ZFP91: variants seen among roughly 807,000 people sequenced by gnomAD.
ZFP91 encodes E3 ubiquitin-protein ligase ZFP91.
Under a neutral mutation model 63.5 loss-of-function variants are expected in ZFP91, and 7 were observed. That is an observed-to-expected ratio of 0.11 (90% CI 0.06 to 0.21). The LOEUF (loss-of-function observed/expected upper bound fraction) is 0.21, where lower values mean the gene tolerates loss of function less well. ZFP91 is among the 10% of genes least tolerant of loss of function. The pLI is 1.00. For missense variants in ZFP91, 628 were observed against 736.6 expected (o/e 0.85, Z 1.71); for synonymous variants, 330 against 272.1 (o/e 1.21, Z -2.10).
At position 58,579,065 on chromosome 11, in the gene ZFP91, GGCGCGCGCGCGC is replaced by G. The variant is rs35866007; in HGVS notation, c.-212_-201del. On this transcript the variant is annotated 5_prime_UTR_variant, in exon 1 of 11. Coordinates refer to ENST00000316059, the MANE Select transcript of ZFP91 (RefSeq NM_053023.5). ...TCCGATTGGCCCGCTGAGCGTCTGT[GGCGCGCGCGCGC>G]GCGCCGCCAGCGGTAGCGGACCTTG... 8.8e-6 allele frequency: 3 copies of G among 340,498 alleles called. No homozygotes were observed. Among genetic ancestry groups the G allele is most frequent in the East Asian group, 9.3e-5 (2 of 21,588 alleles). 21.1% of individuals were successfully genotyped at this position (340,498 alleles called of 1,614,324 possible).
At position 58,619,957 on chromosome 11, in the gene ZFP91, T is replaced by C. The variant is rs1300001792; in HGVS notation, c.*2251T>C. The C allele has an allele frequency of 6.6e-6, 1 of 152,212 alleles. No homozygotes were observed. The highest frequency in any genetic ancestry group is 1.5e-5 in the Non-Finnish European group (1 of 68,050). The allele number at this position is 152,212 out of a possible 1,614,324, so 9.4% of individuals were successfully genotyped here. A position where few individuals can be genotyped will look rare whatever the true frequency, so the allele number is the denominator to read the frequency against. Reference sequence around the variant, plus strand: ...TATCCTTTGTCTCCGTAAATTTCATTTGCAGTGGTTAGTCATCAGATATTT... The same window carrying C: ...TATCCTTTGTCTCCGTAAATTTCATCTGCAGTGGTTAGTCATCAGATATTT... On this transcript the variant is annotated 3_prime_UTR_variant, in exon 11 of 11. Transcript: ENST00000316059.
intron 2 of ZFP91, among the ~76,000 whole-genome samples, chr11:58,601,423 T>C (rs1459356031): frequency 6.6e-6 from 1 of 152,228 alleles, no homozygotes; most frequent in East Asian, 1.9e-4. Flanking sequence ...ATTTCAGTGG[T>C]AGTGTCCCAT....
Position 58,612,603 on chromosome 11 carries a change from T to A in ZFP91, c.909-159T>A. 3 of 650,562 alleles carry A rather than the reference T, an allele frequency of 4.6e-6. No homozygotes were observed. In the South Asian group the frequency reaches 6.2e-5, roughly 13 times the overall value. The allele number at this position is 650,562 out of a possible 1,614,324, so 40.3% of individuals were successfully genotyped here. On this transcript the variant is annotated intron_variant, in intron 7 of 10. Transcript: ENST00000316059. ...AAATATTTGCTAATTCTTGGTTACT[T>A]CTAATACAAATTCTGTGTAATCTGT...
At chr11:58,598,059 T>C (rs1391930809) in intron 2 of ZFP91, among the ~76,000 whole-genome samples, 1 of 152,170 alleles carries the variant, frequency 6.6e-6, no homozygotes, top group Admixed American at 6.5e-5. Context: ...AAGCAGATAC[T>C]TGAAACAGCT....
At position 58,613,879 on chromosome 11, in the gene ZFP91, C is replaced by T. The variant is rs75151931; in HGVS notation, c.988-350C>T. Among the ~76,000 whole-genome samples, 914 of 152,272 alleles carry T rather than the reference C, an allele frequency of 6.0e-3. 5 individuals are homozygous for T. Among genetic ancestry groups the T allele is most frequent in the Non-Finnish European group, 0.011 (740 of 68,004 alleles). ...TTCAGTTATAACAATAGCCGCTCCT[C>T]CTCTGCTGTGTGCCATTTGCTGCTC... On this transcript the variant is annotated intron_variant, in intron 8 of 10. Transcript: ENST00000316059.
At chr11:58,605,861 A>G (rs2134413258) in intron 2 of ZFP91, among the ~76,000 whole-genome samples, 1 of 152,126 alleles carries the variant, frequency 6.6e-6, no homozygotes, top group South Asian at 2.1e-4. Context: ...AAATCTTATT[A>G]TGCATCTGTT....
intron 10 of ZFP91, 151 bp downstream of exon 10, chr11:58,616,966 T>A (rs1855758604): frequency 3.4e-6 from 3 of 888,908 alleles, no homozygotes; most frequent in Non-Finnish European, 5.1e-6. Flanking sequence ...TTAGTAGCCT[T>A]TTTCTTAGTT....
At chr11:58,591,488 A>G (rs1251398371) in intron 2 of ZFP91, among the ~76,000 whole-genome samples, 2 of 152,204 alleles carry the variant, frequency 1.3e-5, no homozygotes, top group Non-Finnish European at 2.9e-5. Context: ...TCAAATGTAC[A>G]ATTTAGGGAT....
intron 1 of ZFP91, among the ~76,000 whole-genome samples, chr11:58,580,499 ATCATTAGT>A (rs5792113): frequency 0.15 from 22,420 of 152,176 alleles, 1,821 homozygotes; most frequent in Middle Eastern, 0.2. Flanking sequence ...GACTGAAAAC[ATCATTAGT>A]GACCTTTGAT....
At chr11:58,580,601 A>G (rs1009165542) in intron 1 of ZFP91, among the ~76,000 whole-genome samples, 2 of 152,212 alleles carry the variant, frequency 1.3e-5, no homozygotes, top group Non-Finnish European at 2.9e-5. Flanking sequence ...CTTCCAGTAG[A>G]GATAGTGGCA....
At chr11:58,604,438 G>A (rs1267006913) in intron 2 of ZFP91, among the ~76,000 whole-genome samples, 1 of 152,170 alleles carries the variant, frequency 6.6e-6, no homozygotes, top group Non-Finnish European at 1.5e-5. Flanking sequence ...CTGTTATTGT[G>A]TTGATTTTGG....
intron 2 of ZFP91, among the ~76,000 whole-genome samples, chr11:58,593,564 A>G (rs1042630929): frequency 2.0e-5 from 3 of 152,360 alleles, no homozygotes; most frequent in Admixed American, 6.5e-5. Context: ...GGATAGCCAA[A>G]AACAACACAT....
chr11:58,612,669 G>T (rs1167675799), intron 7 of ZFP91, 93 bp from the exon 8 acceptor site: 7 of 915,322 alleles, frequency 7.6e-6, no homozygotes, highest in East Asian at 7.3e-5. Flanking sequence ...CTATAAAATA[G>T]CTATTCCCAA....
intron 1 of ZFP91, among the ~76,000 whole-genome samples, chr11:58,581,699 C>T (rs1267216469): frequency 1.3e-5 from 2 of 152,184 alleles, no homozygotes; most frequent in East Asian, 3.8e-4. Context: ...TAATTTTTAT[C>T]TAAAACAGTA....
intron 4 of ZFP91, 106 bp downstream of exon 4, chr11:58,610,440 A>G: frequency 8.9e-7 from 1 of 1,125,594 alleles, no homozygotes. Flanking sequence ...GAGCTGTAAG[A>G]GAAATTAACT....
intron 9 of ZFP91, among the ~76,000 whole-genome samples, chr11:58,614,945 C>A (rs947304205): frequency 6.6e-6 from 1 of 152,168 alleles, no homozygotes; most frequent in Non-Finnish European, 1.5e-5. Context: ...TGGGTGCATA[C>A]CACTGAGTAT....
At chr11:58,611,566 A>G (rs1855663059) in intron 5 of ZFP91, 38 bp from the exon 6 acceptor site, 1 of 1,594,010 alleles carries the variant, frequency 6.3e-7, no homozygotes. Flanking sequence ...CCTTGAAAAG[A>G]TCTTTTGTCT....
chr11:58,579,650 A>G (rs1412796514), intron 1 of ZFP91, 28 bp downstream of exon 1: 4 of 1,525,598 alleles, frequency 2.6e-6, no homozygotes, highest in Admixed American at 2.2e-5. Context: ...AGGCGGTGGG[A>G]AAGACCCCCC....
At chr11:58,608,847 C>T (rs762143329) in intron 2 of ZFP91, among the ~76,000 whole-genome samples, 1 of 152,158 alleles carries the variant, frequency 6.6e-6, no homozygotes, top group Non-Finnish European at 1.5e-5. Flanking sequence ...TTTTGATCTG[C>T]CCGCCTTGGC....
Sources: allele counts gnomAD v4.1 joint callset (sites outside exome capture counted in the v4.1 genomes callset), GRCh38; gene constraint gnomAD v4.1.1; transcripts MANE v1.5; gene names NCBI Gene and HGNC (gene_info 2026-07-23, HGNC 2026-07-21).